Variants in GREB1L observed in about 807,000 individuals in gnomAD.
The protein encoded by GREB1L is GREB1 like retinoic acid receptor coactivator, also known as GREB1-like protein.
A neutral mutation model predicts 200.8 loss-of-function variants in GREB1L; 17 were observed. That is an observed-to-expected ratio of 0.08 (90% confidence interval 0.06 to 0.13). The LOEUF (loss-of-function observed/expected upper bound fraction) is 0.13, where lower values mean the gene tolerates loss of function less well. Ranked by LOEUF, GREB1L falls within the 10% of genes least tolerant of loss-of-function variation. The pLI, the probability that GREB1L is intolerant of heterozygous loss-of-function variation, is 1.00. For synonymous variants in GREB1L, 789 were observed against 893.0 expected, an observed-to-expected ratio of 0.88 and a Z score of 2.08; for missense variants, 1,657 against 2,367.7, an observed-to-expected ratio of 0.70 and a Z score of 6.23.
chr18:21,403,489 A>G (rs1402084544), intron 6 of GREB1L, among the ~76,000 whole-genome samples: 2 of 152,200 alleles, frequency 1.3e-5, no homozygotes, highest in African/African-American at 2.4e-5. Flanking sequence ...ACTGTTCTAC[A>G]TTTAAACCAA....
Position 21,318,128 on chromosome 18 carries a change from AAGAG to A in GREB1L, c.-119-47895_-119-47892del, listed in dbSNP as rs1452807759. 1.3e-3 allele frequency among the ~76,000 whole-genome samples: 202 copies of A among 151,354 alleles called. 1 individual carries two copies. The highest frequency in any genetic ancestry group is 4.6e-3 in the African/African-American group (190 of 41,132). On this transcript the variant is annotated intron_variant, in intron 1 of 32. Transcript: ENST00000424526. ...GTCAAAAAAAAAAAAAAAAAAAACA[AAGAG>A]AGAAAGAACAGAAAGAAAATGAGAA...
intron 1 of GREB1L, among the ~76,000 whole-genome samples, chr18:21,257,575 A>G (rs532926696): frequency 6.6e-6 from 1 of 152,302 alleles, no homozygotes; most frequent in East Asian, 1.9e-4. Context: ...ATGCCATCAT[A>G]AAGACCTCTG....
At chr18:21,368,237 T>C (rs2039746402) in intron 2 of GREB1L, among the ~76,000 whole-genome samples, 1 of 152,224 alleles carries the variant, frequency 6.6e-6, no homozygotes, top group African/African-American at 2.4e-5. Flanking sequence ...CTGCTCATTT[T>C]CTATTTTCTC....
chr18:21,317,911 G>C (rs1289291813), intron 1 of GREB1L: 1 of 152,170 alleles, frequency 6.6e-6, no homozygotes, highest in African/African-American at 2.4e-5. Context: ...CAGGAGACCA[G>C]TCTGGCCAAC....
chr18:21,318,474 T>G (rs2038905999), intron 1 of GREB1L, among the ~76,000 whole-genome samples: 1 of 152,184 alleles, frequency 6.6e-6, no homozygotes, highest in South Asian at 2.1e-4. Flanking sequence ...TTGGTCTAGA[T>G]TCTTCCAAGG....
At position 21,500,551 on chromosome 18, in the gene GREB1L, G is replaced by A. The variant is rs1455071459; in HGVS notation, c.3981G>A (p.Thr1327=). 6.5e-6 allele frequency: 10 copies of A among 1,549,128 alleles called. 1 individual carries two copies. The highest frequency in any genetic ancestry group is 4.8e-5 in the South Asian group (4 of 83,798). Residue 1327 remains threonine (T), a synonymous_variant, in exon 23 of 33, where the codon ACG becomes ACA. Transcript: ENST00000424526. ...LLTGPPQVGK[T]GSYLQFLRIL... is the part of the protein sequence containing the mutation. ...AATCTTTCCATTAGGTGGGAAAGAC[G>A]GGCTCCTATTTACAGTTCCTCAGGA... is the stretch of plus-strand genomic sequence containing the variant.
At chr18:21,330,159 A>G (rs1164337508) in intron 1 of GREB1L, among the ~76,000 whole-genome samples, 1 of 152,210 alleles carries the variant, frequency 6.6e-6, no homozygotes, top group Non-Finnish European at 1.5e-5. Context: ...GCTGGAGAAG[A>G]AGCCCCAGAG....
rs565550653 is a variant in GREB1L, at chr18:21,490,136, A to G, written c.2815A>G (p.Ile939Val). 1.3e-5 allele frequency: 20 copies of G among 1,551,852 alleles called. No homozygotes were observed. Among genetic ancestry groups the G allele is most frequent in the East Asian group, 9.8e-5 (4 of 40,912 alleles). Residue 939 changes from isoleucine to valine, a missense_variant, in exon 19 of 33, where the codon ATT (isoleucine) becomes GTT (valine). Ile to Val is a conservative substitution (Grantham distance 29, BLOSUM62 3). Coordinates refer to ENST00000424526, the MANE Select transcript of GREB1L (RefSeq NM_001142966.3). ...CCACAGCACACCAGAAACACTCAGC[A>G]TTATGGATGACCTCATCAGCTCCCC... ...RDHSTPETLS[I>V]MDDLISSPGK...
intron 6 of GREB1L, 44 bp downstream of exon 6, chr18:21,401,370 A>G (rs1287385016): frequency 6.8e-7 from 1 of 1,473,852 alleles, no homozygotes; most frequent in Admixed American, 2.0e-5. Flanking sequence ...TGGAGATTTT[A>G]CGGTGGTGAC....
Position 21,304,425 on chromosome 18 carries a change from T to C in GREB1L, c.-119-61602T>C, listed in dbSNP as rs550391603. On this transcript the variant is annotated intron_variant, in intron 1 of 32. Coordinates refer to ENST00000424526, the MANE Select transcript of GREB1L (RefSeq NM_001142966.3). ...TCTGTGTTTTTTCAGCACTTCACTA[T>C]GTGAGGCACAACAGCCTATAGAGGA... Among the ~76,000 whole-genome samples, 5 of 152,264 alleles carry C rather than the reference T, an allele frequency of 3.3e-5. No individual in the cohort carries two copies. The South Asian group carries it at 6.2e-4, about 19-fold the overall frequency.
At chr18:21,454,266 T>C in intron 14 of GREB1L, 100 bp from the exon 15 acceptor site, 1 of 740,688 alleles carries the variant, frequency 1.4e-6, no homozygotes, top group Non-Finnish European at 2.3e-6. Context: ...TGAGAGTGTA[T>C]TACATTACCG....
At chr18:21,446,925 T>C (rs1445005345) in intron 11 of GREB1L, among the ~76,000 whole-genome samples, 1 of 152,174 alleles carries the variant, frequency 6.6e-6, no homozygotes, top group African/African-American at 2.4e-5. Flanking sequence ...GATAATGAAA[T>C]CAGCAAATCC....
intron 4 of GREB1L, among the ~76,000 whole-genome samples, chr18:21,386,498 C>G (rs2040545638): frequency 6.6e-6 from 1 of 151,720 alleles, no homozygotes; most frequent in South Asian, 2.1e-4. Context: ...ACCATCTTGA[C>G]CAGGCTGGTC....
chr18:21,410,302 G>GA (rs938762154), intron 7 of GREB1L, among the ~76,000 whole-genome samples: 18 of 152,122 alleles, frequency 1.2e-4, no homozygotes, highest in African/African-American at 4.1e-4. Flanking sequence ...TTCCTCTGTA[G>GA]AAAAATATGT....
At chr18:21,345,285 C>G (rs1486569490) in intron 1 of GREB1L, among the ~76,000 whole-genome samples, 1 of 152,170 alleles carries the variant, frequency 6.6e-6, no homozygotes, top group South Asian at 2.1e-4. Flanking sequence ...TCAGGGTTCC[C>G]TGAATCAGAA....
intron 1 of GREB1L, among the ~76,000 whole-genome samples, chr18:21,334,189 A>G (rs2039150225): frequency 6.6e-6 from 1 of 152,204 alleles, no homozygotes; most frequent in African/African-American, 2.4e-5. Context: ...CAGTAACTAT[A>G]GTAATTGTAG....
chr18:21,368,813 A>G lies in GREB1L; in HGVS notation c.-10+2677A>G, dbSNP rs377092405. 1.5e-3 allele frequency among the ~76,000 whole-genome samples: 235 copies of G among 152,276 alleles called. 3 individuals carry two copies. In the South Asian group the frequency reaches 0.045, roughly 29 times the overall value. The stretch of plus-strand genomic sequence containing the variant: ...TGCCCTTGTAATGCTTAGTCACTCA[A>G]ATATATTACACAGGAGACCTTGTTT... On this transcript the variant is annotated intron_variant, in intron 2 of 32. Coordinates refer to ENST00000424526, the MANE Select transcript of GREB1L (RefSeq NM_001142966.3).
intron 23 of GREB1L, among the ~76,000 whole-genome samples, chr18:21,504,297 A>G (rs922081734): frequency 5.9e-5 from 9 of 152,012 alleles, no homozygotes; most frequent in Admixed American, 1.3e-4. Context: ...GTGCTTTGGG[A>G]GGCCAAGGTG....
chr18:21,505,795 C>T lies in GREB1L; in HGVS notation c.4229-15C>T, dbSNP rs1253185624. ...TGTTATCTCATGGGATGGCTTTTTG[C>T]CCCTTTATACACAGAAGTGATAAAG... On this transcript the variant is annotated splice_polypyrimidine_tract_variant and intron_variant, in intron 24 of 32. Transcript: ENST00000424526. The T allele has an allele frequency of 6.5e-6, 10 of 1,544,496 alleles. No individual in the cohort carries two copies. The highest frequency in any genetic ancestry group is 7.9e-6 in the Non-Finnish European group (9 of 1,144,252).
Sources: gnomAD v4.1 joint callset for allele counts (sites outside exome capture counted in the v4.1 genomes callset) on GRCh38, gnomAD v4.1.1 for gene constraint, MANE v1.5 for transcripts, NCBI Gene and HGNC (gene_info 2026-07-23, HGNC 2026-07-21) for gene names.